The following CRPPA variants were observed in gnomAD, a reference collection of about 807,000 sequenced individuals.
CRPPA encodes the protein CDP-L-ribitol pyrophosphorylase A.
CRPPA carries 43 observed loss-of-function variants against 52.0 expected under a neutral mutation model. The ratio of observed to expected loss-of-function variants is 0.83; its 90% CI spans 0.65 to 1.07. The LOEUF is 1.07. Ranked by LOEUF, CRPPA falls within the 50% of genes least tolerant of loss-of-function variation. The pLI, the probability that CRPPA is intolerant of heterozygous loss-of-function variation, is 0.00. For synonymous variants in CRPPA, 250 were observed against 203.5 expected (o/e 1.23, Z -1.94); for missense variants, 629 against 551.7 (o/e 1.14, Z -1.40).
At chr7:16,205,751 C>T (rs1781960141) in intron 9 of CRPPA, among the ~76,000 whole-genome samples, 1 of 150,110 alleles carries the variant, frequency 6.7e-6, no homozygotes, top group Non-Finnish European at 1.5e-5. Context: ...GAGAAAATTA[C>T]AAGCAAATGT....
At chr7:16,314,414 T>C (rs1021605223) in intron 3 of CRPPA, among the ~76,000 whole-genome samples, 32 of 152,204 alleles carry the variant, frequency 2.1e-4, no homozygotes, top group African/African-American at 7.5e-4. Flanking sequence ...CATTTCACTA[T>C]GTAAGCACAC....
At chr7:16,179,481 G>C (rs1340554819) in intron 9 of CRPPA, among the ~76,000 whole-genome samples, 2 of 152,016 alleles carry the variant, frequency 1.3e-5, no homozygotes, top group Non-Finnish European at 2.9e-5. Flanking sequence ...CCTTATAAAA[G>C]GGAGGTAGAT....
At chr7:16,306,489 G>A (rs902144189) in intron 4 of CRPPA, among the ~76,000 whole-genome samples, 4 of 152,226 alleles carry the variant, frequency 2.6e-5, no homozygotes, top group Non-Finnish European at 5.9e-5. Flanking sequence ...GTAACATTCA[G>A]AGAGTAATGT....
chr7:16,156,800 T>G (rs903002937), intron 9 of CRPPA, among the ~76,000 whole-genome samples: 1 of 152,176 alleles, frequency 6.6e-6, no homozygotes, highest in African/African-American at 2.4e-5. Context: ...CTGAAAGCTG[T>G]GGATGTTGTT....
intron 9 of CRPPA, among the ~76,000 whole-genome samples, chr7:16,184,616 A>G (rs887538349): frequency 5.3e-5 from 8 of 152,172 alleles, no homozygotes; most frequent in African/African-American, 1.9e-4. Context: ...GGGCAATATA[A>G]TTCAAAGGCA....
At chr7:16,281,346 T>G (rs192500068) in intron 5 of CRPPA, among the ~76,000 whole-genome samples, 1 of 152,204 alleles carries the variant, frequency 6.6e-6, no homozygotes, top group Admixed American at 6.5e-5. Context: ...TTTGTTGTTA[T>G]GTATAAAAAT....
intron 2 of CRPPA, among the ~76,000 whole-genome samples, chr7:16,377,124 G>A (rs181183801): frequency 6.6e-6 from 1 of 152,288 alleles, no homozygotes; most frequent in Admixed American, 6.5e-5. Context: ...GAACAAGATA[G>A]ATAGTCCACA....
intron 5 of CRPPA, among the ~76,000 whole-genome samples, chr7:16,280,677 A>G (rs1050005891): frequency 7.2e-5 from 11 of 152,192 alleles, no homozygotes; most frequent in Non-Finnish European, 1.5e-4. Context: ...TAAAACTGAT[A>G]TATTACTACC....
chr7:16,276,834 A>C (rs1224402416), intron 6 of CRPPA: 1 of 152,236 alleles, frequency 6.6e-6, no homozygotes, highest in Non-Finnish European at 1.5e-5. Context: ...TTCAGCTATA[A>C]ACTTTAAATT....
chr7:16,109,227 C>G (rs539767469), intron 9 of CRPPA, among the ~76,000 whole-genome samples: 53 of 151,768 alleles, frequency 3.5e-4, no homozygotes, highest in African/African-American at 1.3e-3. Flanking sequence ...TGAAAAAGGA[C>G]ACATTACAAC....
intron 3 of CRPPA, among the ~76,000 whole-genome samples, chr7:16,361,862 T>C (rs1387948956): frequency 6.6e-6 from 1 of 152,300 alleles, no homozygotes; most frequent in African/African-American, 2.4e-5. Context: ...AAAGTAACTT[T>C]TTTTTTTCTT....
intron 3 of CRPPA, among the ~76,000 whole-genome samples, chr7:16,332,402 G>A (rs901091500): frequency 6.6e-6 from 1 of 152,060 alleles, no homozygotes; most frequent in Non-Finnish European, 1.5e-5. Context: ...TTCTTAATTG[G>A]TATAAGAAAG....
rs537408022 is a variant in CRPPA, at chr7:16,254,298, T to C, written c.1119+4092A>G. On this transcript the variant is annotated intron_variant, in intron 8 of 9. Coordinates refer to ENST00000407010, the MANE Select transcript of CRPPA (RefSeq NM_001101426.4). ...AAAGACGCATGCACACCTATGTTTA[T>C]TGCGGCACTATTCACAATAGCAAAG... is the stretch of plus-strand genomic sequence containing the variant. Among the ~76,000 whole-genome samples, 4 of 152,262 alleles carry C rather than the reference T, an allele frequency of 2.6e-5. No individual in the cohort carries two copies. The East Asian group carries it at 7.7e-4, about 29-fold the overall frequency.
rs778347160 is a variant in CRPPA, at chr7:16,398,296, C to A, written c.534+7765G>T. 2.6e-5 allele frequency among the ~76,000 whole-genome samples: 4 copies of A among 151,778 alleles called. No individual in the cohort carries two copies. The South Asian group carries it at 6.2e-4, about 24-fold the overall frequency. On this transcript the variant is annotated intron_variant, in intron 2 of 9. Transcript: ENST00000407010. The stretch of plus-strand genomic sequence containing the variant: ...CATGATTGACAAGACAAACACGTGA[C>A]TGACAGGTAATTCACGTGATAAACA...
At chr7:16,278,527 G>A (rs1450881267) in intron 5 of CRPPA, among the ~76,000 whole-genome samples, 3 of 152,180 alleles carry the variant, frequency 2.0e-5, no homozygotes, top group African/African-American at 7.2e-5. Flanking sequence ...ACCATTTGAA[G>A]TTCAACAATT....
intron 8 of CRPPA, among the ~76,000 whole-genome samples, chr7:16,230,106 T>C (rs1402479518): frequency 6.6e-6 from 1 of 152,152 alleles, no homozygotes; most frequent in Non-Finnish European, 1.5e-5. Context: ...TTATAATATG[T>C]CTTGGAGAGT....
chr7:16,119,597 T>C (rs1486948182), intron 9 of CRPPA, among the ~76,000 whole-genome samples: 2 of 152,138 alleles, frequency 1.3e-5, no homozygotes, highest in Non-Finnish European at 2.9e-5. Flanking sequence ...ATAACAGTCA[T>C]ACCTAAAACA....
chr7:16,207,020 A>T lies in CRPPA; in HGVS notation c.1251+9046T>A, dbSNP rs73681787. ...AACAAAACCAAATGCCAAACATTAC[A>T]CACCTTTCTGATTCTCCGTGAAGAA... On this transcript the variant is annotated intron_variant, in intron 9 of 9. Transcript: ENST00000407010. 3.5e-3 allele frequency among the ~76,000 whole-genome samples: 538 copies of T among 152,282 alleles called. 2 individuals carry two copies. The highest frequency in any genetic ancestry group is 0.012 in the African/African-American group (509 of 41,580).
chr7:16,406,044 C>A lies in CRPPA; in HGVS notation c.534+17G>T. The A allele has an allele frequency of 6.2e-7, 1 of 1,608,280 alleles. No homozygotes were observed. The highest frequency in any genetic ancestry group is 8.5e-7 in the Non-Finnish European group (1 of 1,176,164). On this transcript the variant is annotated intron_variant, in intron 2 of 9. Coordinates refer to ENST00000407010, the MANE Select transcript of CRPPA (RefSeq NM_001101426.4). ...AGTGCTTGTCCCTTCTATCTAGACT[C>A]AAGAAAAAAGACTTACCCCGTGTTC...
Sources: allele counts gnomAD v4.1 joint callset (sites outside exome capture counted in the v4.1 genomes callset), GRCh38; gene constraint gnomAD v4.1.1; transcripts MANE v1.5; gene names NCBI Gene and HGNC (gene_info 2026-07-23, HGNC 2026-07-21).